Variants in WFDC2 observed in about 807,000 individuals in gnomAD.
WFDC2 encodes the protein WAP four-disulfide core domain protein 2.
Under a neutral mutation model 12.5 loss-of-function variants are expected in WFDC2, and 8 were observed. The observed-to-expected ratio is 0.64, with a 90% CI of 0.37 to 1.15. The LOEUF is 1.15. Ranked by LOEUF, WFDC2 falls within the 50% of genes most tolerant of loss-of-function variation. WFDC2 has a pLI of 0.01. For missense variants in WFDC2, 166 were observed against 159.9 expected (o/e 1.04, Z -0.21); for synonymous variants, 74 against 67.2 (o/e 1.10, Z -0.49).
intron 2 of WFDC2, chr20:45,479,678 G>C (rs751618968): frequency 6.2e-7 from 1 of 1,613,952 alleles, no homozygotes; most frequent in Admixed American, 1.7e-5. Flanking sequence ...CGGAGGCTCT[G>C]GGAGATTTCT....
In WFDC2 at chr20:45,473,162, CT is replaced by C. The variant is rs113563637; in HGVS notation, c.223+2631del. Among the ~76,000 whole-genome samples the C allele has an allele frequency of 4.0e-3, 611 of 152,252 alleles. 7 individuals are homozygous for C. Among genetic ancestry groups the C allele is most frequent in the African/African-American group, 0.014 (587 of 41,542 alleles). On this transcript the variant is annotated intron_variant, in intron 2 of 3. Transcript: ENST00000372676. ...TTCACTCTGATGATAGTTTCTTTTG[CT>C]GTGCAGAAGCTCTGTAGTTTAATTG...
intron 2 of WFDC2, among the ~76,000 whole-genome samples, chr20:45,477,818 C>G (rs1256666440): frequency 6.6e-6 from 1 of 152,230 alleles, no homozygotes; most frequent in Non-Finnish European, 1.5e-5. Flanking sequence ...CCTATAAGCC[C>G]CTGACTAGGG....
chr20:45,475,924 G>T (rs1465848857), intron 2 of WFDC2, among the ~76,000 whole-genome samples: 1 of 152,134 alleles, frequency 6.6e-6, no homozygotes, highest in Non-Finnish European at 1.5e-5. Context: ...CTTTACCATT[G>T]TGTAATGCCC....
At position 45,470,618 on chromosome 20, in the gene WFDC2, G is replaced by C; in HGVS notation, c.223+86G>C. ...GAGGGCCCGGGTTCCGGGAACAGGG[G>C]CGCCCCCGGACCCGGGGACCCCCGG... is the stretch of plus-strand genomic sequence containing the variant. On this transcript the variant is annotated intron_variant, in intron 2 of 3. Coordinates refer to ENST00000372676, the MANE Select transcript of WFDC2 (RefSeq NM_006103.4). This position sits in a 1 kb window ranked among gnomAD's most constrained non-coding sequence, Gnocchi z 5.4. The C allele has an allele frequency of 6.8e-7, 1 of 1,462,188 alleles. No homozygotes were observed. The highest frequency in any genetic ancestry group is 1.4e-5 in the South Asian group (1 of 71,506). 90.6% of individuals were successfully genotyped at this position (1,462,188 alleles called of 1,614,324 possible).
Position 45,469,810 on chromosome 20 carries a change from C to T in WFDC2, c.29C>T (p.Ala10Val), listed in dbSNP as rs1991141067. The change falls in exon 1 of 4, where the codon GCC becomes GTC. Residue 10 changes from alanine to valine, a missense_variant. Coordinates refer to ENST00000372676, the MANE Select transcript of WFDC2 (RefSeq NM_006103.4). The part of the protein sequence containing the change: MPACRLGPL[A>V]AALLLSLLLF... ...CCTGCTTGTCGCCTAGGCCCGCTAG[C>T]CGCCGCCCTCCTCCTCAGCCTGCTG... The T allele has an allele frequency of 1.2e-6, 2 of 1,610,446 alleles. No homozygotes were observed. Among genetic ancestry groups the T allele is most frequent in the Admixed American group, 1.7e-5 (1 of 59,698 alleles).
At chr20:45,476,329 T>C (rs4449202) in intron 2 of WFDC2, among the ~76,000 whole-genome samples, 16,390 of 152,270 alleles carry the variant, frequency 0.11, 1,305 homozygotes, top group East Asian at 0.34. Flanking sequence ...TTCCTTTCTA[T>C]GTTTAGTGCT....
chr20:45,479,999 G>C lies in WFDC2; in HGVS notation c.281G>C (p.Arg94Pro), dbSNP rs202089413. 2 of 1,614,214 alleles carry C rather than the reference G, an allele frequency of 1.2e-6. No homozygotes were observed. Among genetic ancestry groups the C allele is most frequent in the Non-Finnish European group, 1.7e-6 (2 of 1,180,030 alleles). The stretch of plus-strand genomic sequence containing the variant: ...AACTTTCCCCAGCTCGGCCTCTGTC[G>C]GGACCAGTGCCAGGTGGACAGCCAG... Reference protein sequence around the residue: ...NINFPQLGLCRDQCQVDSQCP... With the variant: ...NINFPQLGLCPDQCQVDSQCP... Residue 94 changes from arginine (R) to proline (P), a missense_variant, in exon 3 of 4, where the codon CGG (arginine) becomes CCG (proline). Coordinates refer to ENST00000372676, the MANE Select transcript of WFDC2 (RefSeq NM_006103.4).
In WFDC2 at chr20:45,470,633, G is replaced by A. The variant is rs932038126; in HGVS notation, c.223+101G>A. The A allele has an allele frequency of 1.4e-6, 2 of 1,427,744 alleles. No individual in the cohort carries two copies. The highest frequency in any genetic ancestry group is 1.4e-5 in the African/African-American group (1 of 69,508). The allele number at this position is 1,427,744 out of a possible 1,614,324, so 88.4% of individuals were successfully genotyped here. On this transcript the variant is annotated intron_variant, in intron 2 of 3. Transcript: ENST00000372676. This position sits in a 1 kb window ranked among gnomAD's most constrained non-coding sequence, Gnocchi z 5.4. ...GGGAACAGGGGCGCCCCCGGACCCG[G>A]GGACCCCCGGGAAAGTCAAGGCGGT...
At chr20:45,479,490 A>G in intron 2 of WFDC2, 1 of 616,512 alleles carries the variant, frequency 1.6e-6, no homozygotes. Context: ...GAGTTAATAT[A>G]TGTTAGGGGC....
chr20:45,475,151 TG>T (rs1270564662), intron 2 of WFDC2, among the ~76,000 whole-genome samples: 3 of 152,294 alleles, frequency 2.0e-5, no homozygotes, highest in Non-Finnish European at 4.4e-5. Flanking sequence ...TGATTTTTTT[TG>T]AAGGGTTTTT....
Position 45,470,390 on chromosome 20 carries a change from C to T in WFDC2, c.81C>T (p.Gly27=), listed in dbSNP as rs567923430. 1.3e-5 allele frequency: 20 copies of T among 1,584,102 alleles called. No homozygotes were observed. In the Admixed American group the frequency reaches 1.4e-4, roughly 11 times the overall value. ...ACTGTCCCGGGCCTCCCCTCCCAGG[C>T]ACAGGAGCAGAGAAGACTGGCGTGT... is the stretch of plus-strand genomic sequence containing the variant. ...LLLFGFTLVS[G]TGAEKTGVCP... Residue 27 remains glycine, a splice_region_variant and synonymous_variant, in exon 2 of 4, where the codon GGC becomes GGT. Transcript: ENST00000372676. This position sits in a 1 kb window ranked among gnomAD's most constrained non-coding sequence, Gnocchi z 5.4.
chr20:45,474,494 T>C (rs1991209130), intron 2 of WFDC2, among the ~76,000 whole-genome samples: 1 of 152,238 alleles, frequency 6.6e-6, no homozygotes, highest in Non-Finnish European at 1.5e-5. Flanking sequence ...GATTTGTGTA[T>C]GTTGAACCAG....
intron 2 of WFDC2, among the ~76,000 whole-genome samples, chr20:45,478,010 C>T (rs1349531641): frequency 6.6e-6 from 1 of 152,296 alleles, no homozygotes; most frequent in Non-Finnish European, 1.5e-5. Flanking sequence ...CGCCCCTCCC[C>T]CTACCAAGCT....
Position 45,480,103 on chromosome 20 carries a change from A to T in WFDC2, c.*1+9A>T. 5.0e-6 allele frequency: 8 copies of T among 1,613,404 alleles called. No homozygotes were observed. Among genetic ancestry groups the T allele is most frequent in the Non-Finnish European group, 6.8e-6 (8 of 1,179,342 alleles). Reference sequence around the variant, plus strand: ...CACTCCCAATTTCTGAGGTAAGTGAACGGGAAAGAGAAAGTGCATTGATGG... The same window carrying T: ...CACTCCCAATTTCTGAGGTAAGTGATCGGGAAAGAGAAAGTGCATTGATGG... On this transcript the variant is annotated intron_variant, in intron 3 of 3. Transcript: ENST00000372676.
intron 2 of WFDC2, among the ~76,000 whole-genome samples, chr20:45,478,741 T>A (rs996632712): frequency 6.6e-6 from 1 of 152,108 alleles, no homozygotes; most frequent in Non-Finnish European, 1.5e-5. Flanking sequence ...TTCTCCTGCC[T>A]CAGCCTCCCA....
At chr20:45,477,200 C>T (rs1041576752) in intron 2 of WFDC2, among the ~76,000 whole-genome samples, 21 of 152,064 alleles carry the variant, frequency 1.4e-4, no homozygotes, top group Non-Finnish European at 2.6e-4. Context: ...ACTCATTCTC[C>T]GTCCAGTTTT....
chr20:45,474,357 A>AG lies in WFDC2; in HGVS notation c.223+3825_223+3826insG, dbSNP rs1301078730. 1.7e-3 allele frequency among the ~76,000 whole-genome samples: 255 copies of AG among 152,284 alleles called. No homozygotes were observed. In the Middle Eastern group the frequency reaches 0.017, roughly 10 times the overall value. On this transcript the variant is annotated intron_variant, in intron 2 of 3. Transcript: ENST00000372676. ...TGTTACTTTGAGATACCTTCCATCA[A>AG]TACCTAGTTTATTGAGTGTTTTAGC...
At chr20:45,479,830 C>G in intron 2 of WFDC2, 112 bp from the exon 3 acceptor site, 1 of 1,613,636 alleles carries the variant, frequency 6.2e-7, no homozygotes, top group South Asian at 1.1e-5. Flanking sequence ...AGGCAGGCAG[C>G]TCTGCTGTAT....
At chr20:45,477,593 G>A (rs549727772) in intron 2 of WFDC2, among the ~76,000 whole-genome samples, 1 of 152,234 alleles carries the variant, frequency 6.6e-6, no homozygotes, top group African/African-American at 2.4e-5. Context: ...GAGCTCTCCT[G>A]TATGAGGTGT....
Sources: allele counts gnomAD v4.1 joint callset (sites outside exome capture counted in the v4.1 genomes callset), GRCh38; gene constraint gnomAD v4.1.1; non-coding constraint Gnocchi (gnomAD v3.1); transcripts MANE v1.5; gene names NCBI Gene and HGNC (gene_info 2026-07-23, HGNC 2026-07-21).